Variants in CLVS1 observed in about 807,000 individuals in gnomAD.
CLVS1 encodes the protein clavesin-1.
CLVS1 carries 10 observed loss-of-function variants against 33.1 expected under a neutral mutation model. The ratio of observed to expected loss-of-function variants is 0.30; its 90% CI spans 0.19 to 0.51. CLVS1 has a LOEUF of 0.51. Ranked by LOEUF, CLVS1 falls within the 20% of genes least tolerant of loss-of-function variation. CLVS1 has a pLI of 0.97. For missense variants in CLVS1, 343 were observed against 433.4 expected (o/e 0.79, Z 1.85); for synonymous variants, 163 against 166.1 (o/e 0.98, Z 0.14).
chr8:61,112,540 G>T (rs898486287), intron 1 of CLVS1, among the ~76,000 whole-genome samples: 17 of 152,198 alleles, frequency 1.1e-4, no homozygotes, highest in Non-Finnish European at 2.2e-4. Context: ...TTTCCTTAAA[G>T]ATTTGAAATA....
chr8:60,996,691 GCT>G, the CLVS1 span, among the ~76,000 whole-genome samples: 1 of 152,006 alleles, frequency 6.6e-6, no homozygotes, highest in South Asian at 2.1e-4. Flanking sequence ...TGCTCTGGTG[GCT>G]CTCTGTCACT....
At chr8:61,033,126 G>GGAAAGAAA in the CLVS1 span, among the ~76,000 whole-genome samples, 6,578 of 68,736 alleles carry the variant, frequency 0.096, 681 homozygotes, top group African/African-American at 0.14. Context: ...AAGGAAGAAA[G>GGAAAGAAA]GAAAGAAAGA....
At chr8:61,477,692 C>T (rs987051654) in intron 5 of CLVS1, among the ~76,000 whole-genome samples, 1 of 151,712 alleles carries the variant, frequency 6.6e-6, no homozygotes, top group Non-Finnish European at 1.5e-5. Context: ...TCTCTCTTTT[C>T]TTCTTTATTA....
At chr8:61,026,738 C>G in the CLVS1 span, among the ~76,000 whole-genome samples, 1 of 152,192 alleles carries the variant, frequency 6.6e-6, no homozygotes, top group South Asian at 2.1e-4. Flanking sequence ...AAAGCACTTT[C>G]CTGGTGAGAA....
chr8:61,413,086 CTTG>C (rs369636882), intron 3 of CLVS1, among the ~76,000 whole-genome samples: 54 of 152,100 alleles, frequency 3.6e-4, no homozygotes, highest in African/African-American at 1.3e-3. Flanking sequence ...TGGTAAACAA[CTTG>C]TTATTTTGTT....
Position 61,300,016 on chromosome 8 carries a change from G to C in CLVS1, c.189G>C (p.Arg63Ser). ...IQQVRDMIIT[R>S]PDIGFLRTDD... ...AAGTCAGGGACATGATCATCACCAG[G>C]CCTGACATTGGATTTTTACGTACAG... Residue 63 changes from arginine to serine, a missense_variant, in exon 2 of 6, where the codon AGG (arginine) becomes AGC (serine). Arg to Ser is a moderately radical substitution (Grantham distance 110). This residue lies in a region of CLVS1 where 88 missense variants were observed against 77.3 expected (regional missense o/e 1.14). Coordinates refer to ENST00000325897, the MANE Select transcript of CLVS1 (RefSeq NM_173519.3). 1 of 1,614,040 alleles carries C rather than the reference G, an allele frequency of 6.2e-7. No homozygotes were observed. The highest frequency in any genetic ancestry group is 8.5e-7 in the Non-Finnish European group (1 of 1,179,970).
At chr8:60,981,680 G>A in the CLVS1 span, among the ~76,000 whole-genome samples, 1 of 152,234 alleles carries the variant, frequency 6.6e-6, no homozygotes, top group African/African-American at 2.4e-5. Flanking sequence ...ATTCATAATT[G>A]GAGGAGATGC....
intron 1 of CLVS1, among the ~76,000 whole-genome samples, chr8:61,087,469 C>T (rs151222078): frequency 6.6e-6 from 1 of 152,180 alleles, no homozygotes; most frequent in Non-Finnish European, 1.5e-5. Flanking sequence ...TCCTCTCCCC[C>T]CTCCTCATGC....
intron 2 of CLVS1, among the ~76,000 whole-genome samples, chr8:61,350,904 G>A (rs182095049): frequency 8.2e-4 from 125 of 152,244 alleles, no homozygotes; most frequent in Middle Eastern, 3.4e-3. Flanking sequence ...GACATGGTGT[G>A]CTGAAGGCAG....
At chr8:61,018,019 G>C in the CLVS1 span, among the ~76,000 whole-genome samples, 1 of 152,152 alleles carries the variant, frequency 6.6e-6, no homozygotes, top group African/African-American at 2.4e-5. Flanking sequence ...ACCTGTTTTT[G>C]CCTTTGGAGG....
chr8:60,976,362 C>CTT, the CLVS1 span, among the ~76,000 whole-genome samples: 2 of 144,958 alleles, frequency 1.4e-5, no homozygotes, highest in African/African-American at 5.0e-5. Context: ...TTCTTTCTTT[C>CTT]TTTTTTTTTT....
intron 1 of CLVS1, among the ~76,000 whole-genome samples, chr8:61,092,414 C>T (rs1011016131): frequency 6.6e-6 from 1 of 152,208 alleles, no homozygotes; most frequent in African/African-American, 2.4e-5. Flanking sequence ...TCATCATCTC[C>T]CGCTGCTGTA....
chr8:61,308,141 T>A (rs1032394833), intron 2 of CLVS1, among the ~76,000 whole-genome samples: 1 of 152,234 alleles, frequency 6.6e-6, no homozygotes, highest in South Asian at 2.1e-4. Context: ...ACTCTTCAGC[T>A]GCATAGTCTT....
chr8:61,118,916 C>T (rs1415848218), intron 1 of CLVS1, among the ~76,000 whole-genome samples: 1 of 152,070 alleles, frequency 6.6e-6, no homozygotes, highest in African/African-American at 2.4e-5. Flanking sequence ...AGTTCAATTC[C>T]TGGGTATCCT....
chr8:60,976,789 G>A, the CLVS1 span, among the ~76,000 whole-genome samples: 2 of 152,246 alleles, frequency 1.3e-5, no homozygotes, highest in South Asian at 4.1e-4. Flanking sequence ...TGCCATGGGG[G>A]CGGTGGTATG....
intron 2 of CLVS1, among the ~76,000 whole-genome samples, chr8:61,352,835 G>A (rs1258212482): frequency 6.6e-6 from 1 of 151,776 alleles, no homozygotes; most frequent in Non-Finnish European, 1.5e-5. Flanking sequence ...CACCAACACG[G>A]CATAACATTC....
At chr8:61,164,592 G>T (rs1027008002) in intron 2 of CLVS1, among the ~76,000 whole-genome samples, 3 of 152,094 alleles carry the variant, frequency 2.0e-5, no homozygotes, top group Non-Finnish European at 4.4e-5. Context: ...GGGAGGGCAA[G>T]TCCCCCCCGC....
intron 2 of CLVS1, among the ~76,000 whole-genome samples, chr8:61,243,130 G>A (rs138206949): frequency 3.0e-4 from 46 of 152,240 alleles, no homozygotes; most frequent in African/African-American, 9.4e-4. Flanking sequence ...ATTTATTCAG[G>A]AAATTAATTT....
chr8:61,070,466 T>G (rs973987163), intron 1 of CLVS1, among the ~76,000 whole-genome samples: 1 of 152,242 alleles, frequency 6.6e-6, no homozygotes, highest in Non-Finnish European at 1.5e-5. Flanking sequence ...AAGCAGCACA[T>G]TGCCTCAAGT....
Sources: allele counts gnomAD v4.1 joint callset (sites outside exome capture counted in the v4.1 genomes callset), GRCh38; gene constraint gnomAD v4.1.1; regional missense constraint gnomAD v4.1.1; transcripts MANE v1.5; gene names NCBI Gene and HGNC (gene_info 2026-07-23, HGNC 2026-07-21).